ITGA8: variants seen among roughly 807,000 people sequenced by gnomAD.
ITGA8 encodes the protein integrin subunit alpha 8, also known as integrin alpha-8.
ITGA8 carries 91 observed loss-of-function variants against 142.3 expected under a neutral mutation model. The observed-to-expected ratio is 0.64, with a 90% CI of 0.54 to 0.76. ITGA8 has a LOEUF of 0.76. ITGA8 is among the 30% of genes least tolerant of loss of function. The probability of loss-of-function intolerance (pLI) is 0.00; values close to 1 mark genes in which losing one functional copy is unlikely to be tolerated. For missense variants in ITGA8, 1,406 were observed against 1,327.7 expected (o/e 1.06, Z -0.92); for synonymous variants, 505 against 485.2 (o/e 1.04, Z -0.54).
rs971810094 is a variant in ITGA8 at position 15,549,963 on chromosome 10, G to A, written c.2767-1395C>T. 4.4e-4 allele frequency among the ~76,000 whole-genome samples: 67 copies of A among 152,150 alleles called. 1 individual carries two copies. Among genetic ancestry groups the A allele is most frequent in the African/African-American group, 1.6e-3 (65 of 41,444 alleles). On this transcript the variant is annotated intron_variant, in intron 26 of 29. Transcript: ENST00000378076. ...GGCTACTAGAGTTGGGTGCTGAGGT[G>A]CTGATGTTGTTTGGCTATGTCCCCA...
At chr10:15,609,672 G>A (rs1236107052) in intron 15 of ITGA8, among the ~76,000 whole-genome samples, 2 of 152,166 alleles carry the variant, frequency 1.3e-5, no homozygotes, top group African/African-American at 4.8e-5. Flanking sequence ...TTTGTAGTAA[G>A]CCTGGCTTTC....
At chr10:15,633,688 G>A (rs1295528838) in intron 13 of ITGA8, among the ~76,000 whole-genome samples, 1 of 152,136 alleles carries the variant, frequency 6.6e-6, no homozygotes, top group East Asian at 1.9e-4. Context: ...CCAAAGTGCT[G>A]AGATTACAGG....
At chr10:15,622,013 C>A (rs1353282699) in intron 13 of ITGA8, among the ~76,000 whole-genome samples, 3 of 152,224 alleles carry the variant, frequency 2.0e-5, no homozygotes, top group African/African-American at 7.2e-5. Flanking sequence ...CAGAAATTAG[C>A]CAGGCATGAT....
intron 2 of ITGA8, among the ~76,000 whole-genome samples, chr10:15,691,870 T>C (rs1486819407): frequency 6.6e-6 from 1 of 152,132 alleles, no homozygotes; most frequent in African/African-American, 2.4e-5. Flanking sequence ...AATGAATATG[T>C]TTATTAGCTT....
chr10:15,572,730 T>C (rs1329375184), intron 24 of ITGA8, among the ~76,000 whole-genome samples: 2 of 152,250 alleles, frequency 1.3e-5, no homozygotes, highest in Non-Finnish European at 2.9e-5. Context: ...AGTGACTGTC[T>C]CTTTACATTG....
intron 25 of ITGA8, among the ~76,000 whole-genome samples, chr10:15,563,363 G>A (rs372635585): frequency 2.6e-5 from 4 of 152,286 alleles, no homozygotes; most frequent in African/African-American, 9.6e-5. Flanking sequence ...AAGAATTGTG[G>A]AAATCACTAG....
chr10:15,572,389 T>A lies in ITGA8; in HGVS notation c.2479-20A>T. ...GTGCAGCTGTAAACAAGTGACATGTTATCTAATGACCCAGCAGAAGGCAGA... is the reference window on the plus strand; with the variant it reads ...GTGCAGCTGTAAACAAGTGACATGTAATCTAATGACCCAGCAGAAGGCAGA... On this transcript the variant is annotated intron_variant, in intron 24 of 29. Transcript: ENST00000378076. 2 of 1,611,838 alleles carry A rather than the reference T, an allele frequency of 1.2e-6. No individual in the cohort carries two copies. Among genetic ancestry groups the A allele is most frequent in the South Asian group, 1.1e-5 (1 of 90,758 alleles).
At chr10:15,537,866 C>T (rs1833478482) in intron 27 of ITGA8, among the ~76,000 whole-genome samples, 4 of 152,004 alleles carry the variant, frequency 2.6e-5, no homozygotes, top group Admixed American at 2.6e-4. Flanking sequence ...GCCTGTAATC[C>T]CGGTGCCTTG....
intron 27 of ITGA8, among the ~76,000 whole-genome samples, chr10:15,543,122 A>C (rs926785816): frequency 6.6e-6 from 1 of 152,156 alleles, no homozygotes; most frequent in Non-Finnish European, 1.5e-5. Context: ...ATGAAAGGAG[A>C]CTTTAGTCAA....
chr10:15,555,725 T>C (rs1833874485), intron 26 of ITGA8, among the ~76,000 whole-genome samples: 1 of 151,036 alleles, frequency 6.6e-6, no homozygotes, highest in Non-Finnish European at 1.5e-5. Flanking sequence ...AGACGGAGTC[T>C]CGCTCTGTTG....
Position 15,655,404 on chromosome 10 carries a change from C to T in ITGA8, c.951G>A (p.Met317Ile). ...CAACGGTATATCCAAAATAAGATGC[C>T]ATCTGCAAAGGAAAATCAGGAGATG... ...TFIQNFTGEQ[M>I]ASYFGYTVVV... Residue 317 changes from methionine to isoleucine, a missense_variant and splice_region_variant, in exon 11 of 30, where the codon ATG (methionine) becomes ATA (isoleucine). Met to Ile is a conservative substitution (Grantham distance 10, BLOSUM62 1). Transcript: ENST00000378076. The T allele has an allele frequency of 1.2e-6, 2 of 1,609,784 alleles. No homozygotes were observed. Among genetic ancestry groups the T allele is most frequent in the South Asian group, 1.1e-5 (1 of 90,662 alleles).
intron 22 of ITGA8, among the ~76,000 whole-genome samples, chr10:15,588,737 C>G (rs1832874253): frequency 6.6e-6 from 1 of 152,118 alleles, no homozygotes; most frequent in African/African-American, 2.4e-5. Flanking sequence ...GTTTCAATAA[C>G]ACAGTTTTCA....
At chr10:15,638,218 G>T (rs1833807133) in intron 13 of ITGA8, among the ~76,000 whole-genome samples, 2 of 152,126 alleles carry the variant, frequency 1.3e-5, no homozygotes, top group African/African-American at 2.4e-5. Flanking sequence ...CCTCTTATAT[G>T]TCTGTGTTTT....
chr10:15,613,269 G>A (rs1199036921), intron 15 of ITGA8, among the ~76,000 whole-genome samples: 1 of 152,074 alleles, frequency 6.6e-6, no homozygotes, highest in Non-Finnish European at 1.5e-5. Context: ...AAGAGTCTAG[G>A]TATTTTGTTA....
intron 25 of ITGA8, among the ~76,000 whole-genome samples, chr10:15,561,957 G>C (rs942308776): frequency 2.0e-4 from 30 of 152,170 alleles, no homozygotes; most frequent in African/African-American, 7.2e-4. Flanking sequence ...GGTGGCAGGA[G>C]GGAGAATGAA....
intron 8 of ITGA8, among the ~76,000 whole-genome samples, chr10:15,664,873 C>A (rs1229480822): frequency 1.3e-5 from 2 of 152,016 alleles, no homozygotes; most frequent in Non-Finnish European, 2.9e-5. Context: ...GCATAGTATT[C>A]CATGGTGTAT....
At chr10:15,621,159 C>T (rs952374188) in intron 13 of ITGA8, among the ~76,000 whole-genome samples, 3 of 143,700 alleles carry the variant, frequency 2.1e-5, no homozygotes, top group African/African-American at 7.7e-5. Flanking sequence ...TACATAGACA[C>T]TTAAGCTGGC....
intron 7 of ITGA8, 93 bp downstream of exon 7, chr10:15,672,531 A>G: frequency 7.0e-7 from 1 of 1,420,736 alleles, no homozygotes. Context: ...AAGATGCCAA[A>G]TAACATCGGA....
At chr10:15,714,192 C>G (rs77796267) in intron 2 of ITGA8, among the ~76,000 whole-genome samples, 1 of 152,138 alleles carries the variant, frequency 6.6e-6, no homozygotes, top group East Asian at 1.9e-4. Flanking sequence ...CTTCATTATT[C>G]CAAAGATGAC....
Sources: gnomAD v4.1 joint callset for allele counts (sites outside exome capture counted in the v4.1 genomes callset) on GRCh38, gnomAD v4.1.1 for gene constraint, MANE v1.5 for transcripts, NCBI Gene and HGNC (gene_info 2026-07-23, HGNC 2026-07-21) for gene names.